Variants in PIK3C2G observed in about 807,000 individuals in gnomAD.
PIK3C2G encodes phosphatidylinositol-4-phosphate 3-kinase catalytic subunit type 2 gamma.
PIK3C2G carries 168 observed loss-of-function variants against 181.1 expected under a neutral mutation model. That is an observed-to-expected ratio of 0.93 (90% CI 0.82 to 1.05). The LOEUF (loss-of-function observed/expected upper bound fraction) is 1.05, where lower values mean the gene tolerates loss of function less well. PIK3C2G is among the 50% of genes least tolerant of loss of function. The pLI is 0.00. For missense variants in PIK3C2G, 1,869 were observed against 1,732.8 expected, an observed-to-expected ratio of 1.08 and a Z score of -1.40; for synonymous variants, 573 against 592.2, an observed-to-expected ratio of 0.97 and a Z score of 0.47.
At chr12:18,653,261 T>G (rs1038621920), downstream of PIK3C2G, among the ~76,000 whole-genome samples, 6 of 152,156 alleles carry the variant, frequency 3.9e-5, no homozygotes, top group Non-Finnish European at 5.9e-5. Context: ...ATTAGTCACA[T>G]ATTACCCATG....
chr12:18,627,981 A>C (rs957805038), intron 31 of PIK3C2G, among the ~76,000 whole-genome samples: 14 of 152,226 alleles, frequency 9.2e-5, no homozygotes, highest in Non-Finnish European at 2.9e-5. Flanking sequence ...ATTAATCTAC[A>C]GAAGTTTCCA....
chr12:18,683,533 A>G, the PIK3C2G span: 6 of 1,510,782 alleles, frequency 4.0e-6, no homozygotes, highest in Admixed American at 1.2e-4. Context: ...AACTGAATAC[A>G]CAGCTCATAC....
At chr12:18,531,015 C>T (rs1314507902) in intron 24 of PIK3C2G, among the ~76,000 whole-genome samples, 1 of 152,102 alleles carries the variant, frequency 6.6e-6, no homozygotes, top group African/African-American at 2.4e-5. Context: ...TTTGATTTAC[C>T]TGCAAATTTC....
In PIK3C2G at chr12:18,488,564, A is replaced by T; in HGVS notation, c.2620A>T (p.Lys874Ter). The T allele has an allele frequency of 6.3e-7, 1 of 1,581,094 alleles. No homozygotes were observed. Among genetic ancestry groups the T allele is most frequent in the South Asian group, 1.2e-5 (1 of 85,494 alleles). ...ALNDEFSKEQ[K>*]LIKILGDIGE... ...GAATGATGAGTTTTCCAAGGAGCAGAAACTTATCAAAATTCTGGGAGATAT... is the reference window on the plus strand; with the variant it reads ...GAATGATGAGTTTTCCAAGGAGCAGTAACTTATCAAAATTCTGGGAGATAT... The change falls in exon 19 of 33, where the codon AAA becomes TAA. Residue 874 changes from lysine (K) to a stop codon, truncating the protein, a stop_gained. Transcript: ENST00000538779. LOFTEE classifies it high-confidence loss of function.
In PIK3C2G at chr12:18,399,578, G is replaced by A. The variant is rs890318068; in HGVS notation, c.2127-81G>A. The A allele has an allele frequency of 2.5e-5, 19 of 746,866 alleles. No homozygotes were observed. In the African/African-American group the frequency reaches 2.8e-4, roughly 11 times the overall value. The allele number at this position is 746,866 out of a possible 1,614,324, so 46.3% of individuals were successfully genotyped here. A position where few individuals can be genotyped will look rare whatever the true frequency, so the allele number is the denominator to read the frequency against. ...AATAAAATTCAAAGAACTACAGTAA[G>A]GTTTTCTACTGCATATTTATAGCAA... On this transcript the variant is annotated intron_variant, in intron 15 of 32. Transcript: ENST00000538779.
intron 18 of PIK3C2G, among the ~76,000 whole-genome samples, chr12:18,432,454 C>A (rs1224796325): frequency 6.6e-6 from 1 of 152,150 alleles, no homozygotes; most frequent in African/African-American, 2.4e-5. Context: ...CCAATTACAT[C>A]ACTGCTTCCT....
intron 6 of PIK3C2G, 69 bp from the exon 7 acceptor site, chr12:18,320,893 C>T (rs1004318805): frequency 1.3e-5 from 10 of 793,794 alleles, no homozygotes; most frequent in South Asian, 3.2e-5. Context: ...CAGGAAGTTA[C>T]GGACCTATTT....
upstream of PIK3C2G, among the ~76,000 whole-genome samples, chr12:18,259,107 T>A (rs1162857580): frequency 2.6e-5 from 4 of 152,096 alleles, no homozygotes; most frequent in Non-Finnish European, 5.9e-5. Flanking sequence ...GGTCACTCTA[T>A]TAGGCAACAG....
At chr12:18,257,210 A>AT (rs1948153942), upstream of PIK3C2G, among the ~76,000 whole-genome samples, 1 of 152,170 alleles carries the variant, frequency 6.6e-6, no homozygotes, top group Admixed American at 6.6e-5. Context: ...CTTAAGTTGG[A>AT]TGGGCATGTG....
intron 18 of PIK3C2G, among the ~76,000 whole-genome samples, chr12:18,482,499 A>G (rs1422825135): frequency 1.3e-5 from 2 of 152,052 alleles, no homozygotes; most frequent in Non-Finnish European, 2.9e-5. Flanking sequence ...CTACCTATAA[A>G]AAGAGTGGAG....
chr12:18,673,624 C>T, the PIK3C2G span, among the ~76,000 whole-genome samples: 52 of 152,234 alleles, frequency 3.4e-4, no homozygotes, highest in African/African-American at 1.1e-3. Flanking sequence ...TAAAAGAATA[C>T]GCATTAATTA....
chr12:18,652,970 CTAAG>C (rs1950582659), downstream of PIK3C2G, among the ~76,000 whole-genome samples: 1 of 151,848 alleles, frequency 6.6e-6, no homozygotes, highest in Non-Finnish European at 1.5e-5. Flanking sequence ...TGATTTTAGG[CTAAG>C]TGAGGATGAG....
intron 24 of PIK3C2G, among the ~76,000 whole-genome samples, chr12:18,506,071 G>A (rs1029642269): frequency 5.3e-5 from 8 of 152,186 alleles, no homozygotes; most frequent in African/African-American, 1.9e-4. Flanking sequence ...AGTAACTGGA[G>A]TGGGGATACT....
At chr12:18,282,833 T>C (rs1565552292) in intron 2 of PIK3C2G, 74 bp downstream of exon 2, 5 of 1,043,948 alleles carry the variant, frequency 4.8e-6, no homozygotes, top group Non-Finnish European at 6.8e-6. Flanking sequence ...GTTAATTTGG[T>C]AATGAAGATA....
chr12:18,701,666 T>C, the PIK3C2G span: 6 of 1,593,588 alleles, frequency 3.8e-6, no homozygotes, highest in African/African-American at 1.4e-5. Context: ...CATCTGCCAC[T>C]TCTTCTTCCC....
At chr12:18,243,847 A>G (rs573113757), upstream of PIK3C2G, among the ~76,000 whole-genome samples, 4 of 152,114 alleles carry the variant, frequency 2.6e-5, 1 homozygote, top group African/African-American at 7.2e-5. Flanking sequence ...GAAAAAAAAC[A>G]GAAGACTTTT....
At chr12:18,446,382 C>T (rs1376829555) in intron 18 of PIK3C2G, among the ~76,000 whole-genome samples, 1 of 152,096 alleles carries the variant, frequency 6.6e-6, no homozygotes, top group African/African-American at 2.4e-5. Context: ...AAAGAGAGTT[C>T]ATGGTATGTA....
chr12:18,529,130 T>C (rs1430782107), intron 24 of PIK3C2G, among the ~76,000 whole-genome samples: 1 of 152,016 alleles, frequency 6.6e-6, no homozygotes, highest in East Asian at 1.9e-4. Flanking sequence ...GATAGATGAC[T>C]GTTTCTTTAG....
chr12:18,684,062 ATGTGT>A, the PIK3C2G span: 7 of 1,539,310 alleles, frequency 4.5e-6, no homozygotes, highest in African/African-American at 9.5e-5. Context: ...GTATGTCAAA[ATGTGT>A]CTTTGATATA....
Sources: gnomAD v4.1 joint callset for allele counts (sites outside exome capture counted in the v4.1 genomes callset) on GRCh38, gnomAD v4.1.1 for gene constraint, MANE v1.5 for transcripts, NCBI Gene and HGNC (gene_info 2026-07-23, HGNC 2026-07-21) for gene names.